The following LDLRAD4 variants were observed in gnomAD, a reference collection of about 807,000 sequenced individuals.
LDLRAD4 encodes low-density lipoprotein receptor class A domain-containing protein 4.
In LDLRAD4, 5 loss-of-function variants were observed where a neutral mutation model predicts 17.0. That is an observed-to-expected ratio of 0.29 (90% CI 0.15 to 0.62). The LOEUF is 0.62. LDLRAD4 is among the 20% of genes least tolerant of loss of function. The probability of loss-of-function intolerance (pLI) is 0.84; values close to 1 mark genes in which losing one functional copy is unlikely to be tolerated. For missense variants in LDLRAD4, 340 were observed against 424.7 expected (o/e 0.80, Z 1.75); for synonymous variants, 168 against 171.8 (o/e 0.98, Z 0.17).
intron 1 of LDLRAD4, among the ~76,000 whole-genome samples, chr18:13,235,831 G>A (rs964025839): frequency 1.6e-4 from 24 of 152,158 alleles, no homozygotes; most frequent in African/African-American, 2.4e-5. Flanking sequence ...CCTTGCCTCC[G>A]TTAGGAATCT....
rs142697479 is a variant in LDLRAD4 at position 13,352,551 on chromosome 18, G to A, written c.-382-34790G>A. ...TTCGGTCTTTTGACAGTTTGAATAT[G>A]TCTTGGTGTGGGTCTCTTTAGTTTT... On this transcript the variant is annotated intron_variant, in intron 1 of 5. Transcript: ENST00000359446. Among the ~76,000 whole-genome samples, 24 of 152,208 alleles carry A rather than the reference G, an allele frequency of 1.6e-4. No homozygotes were observed. The East Asian group carries it at 4.6e-3, about 29-fold the overall frequency.
chr18:13,373,478 A>G (rs2084673298), intron 1 of LDLRAD4, among the ~76,000 whole-genome samples: 1 of 152,228 alleles, frequency 6.6e-6, no homozygotes, highest in Non-Finnish European at 1.5e-5. Flanking sequence ...TGTGCTGACT[A>G]ATGAAATAAT....
intron 3 of LDLRAD4, among the ~76,000 whole-genome samples, chr18:13,476,459 T>TA (rs2092942167): frequency 6.6e-6 from 1 of 151,588 alleles, no homozygotes; most frequent in Non-Finnish European, 1.5e-5. Context: ...ACCCCACCTC[T>TA]AAAAAAAGTT....
intron 1 of LDLRAD4, among the ~76,000 whole-genome samples, chr18:13,363,717 T>G (rs2083858548): frequency 6.6e-6 from 1 of 152,180 alleles, no homozygotes; most frequent in African/African-American, 2.4e-5. Flanking sequence ...GGAGGAGTAA[T>G]GTAATAAAAA....
intron 3 of LDLRAD4, chr18:13,486,725 A>G (rs1283786960): frequency 2.0e-5 from 3 of 152,224 alleles, no homozygotes; most frequent in Admixed American, 2.0e-4. Context: ...TTTTTTATAC[A>G]CTGGAAACAC....
intron 2 of LDLRAD4, among the ~76,000 whole-genome samples, chr18:13,395,706 G>T (rs1426510894): frequency 9.2e-6 from 1 of 108,804 alleles, no homozygotes. Context: ...GGGAGCTGGC[G>T]TGGGGGCGGG....
intron 2 of LDLRAD4, among the ~76,000 whole-genome samples, 190 bp from the exon 4 acceptor site, chr18:13,438,054 G>C (rs553807688): frequency 4.6e-5 from 7 of 152,228 alleles, no homozygotes; most frequent in Non-Finnish European, 1.0e-4. Context: ...ACCATCCTGT[G>C]TGTTTCAGAC....
At chr18:13,256,529 C>T (rs1047214727) in intron 1 of LDLRAD4, among the ~76,000 whole-genome samples, 3 of 152,226 alleles carry the variant, frequency 2.0e-5, no homozygotes, top group African/African-American at 7.2e-5. Flanking sequence ...TTAAAACATT[C>T]TGAGGACTTC....
chr18:13,481,704 C>G (rs2093090184), intron 3 of LDLRAD4, among the ~76,000 whole-genome samples: 1 of 68,370 alleles, frequency 1.5e-5, no homozygotes, highest in Admixed American at 1.5e-4. Context: ...TGCTCTTAGG[C>G]AGGGTCCTGA....
intron 1 of LDLRAD4, among the ~76,000 whole-genome samples, chr18:13,226,180 C>CTTT (rs71174166): frequency 0.03 from 1,540 of 52,096 alleles, 324 homozygotes; most frequent in East Asian, 0.24. Flanking sequence ...CCATGCCTTG[C>CTTT]TTTTTTTTTT....
At chr18:13,521,178 AC>A (rs1200830198) in intron 3 of LDLRAD4, 1 of 152,054 alleles carries the variant, frequency 6.6e-6, no homozygotes, top group Non-Finnish European at 1.5e-5. Context: ...GGAGAGGCTG[AC>A]CCAACCGACT....
chr18:13,385,562 T>C (rs1290744062), intron 1 of LDLRAD4, among the ~76,000 whole-genome samples: 1 of 152,204 alleles, frequency 6.6e-6, no homozygotes, highest in Non-Finnish European at 1.5e-5. Flanking sequence ...TCCCTGCAGT[T>C]TGGTTTTCTC....
At chr18:13,588,016 T>C (rs1273221885) in intron 3 of LDLRAD4, among the ~76,000 whole-genome samples, 2 of 152,234 alleles carry the variant, frequency 1.3e-5, no homozygotes, top group Middle Eastern at 3.2e-3. Flanking sequence ...CCAGAAAGCC[T>C]TTTTGTATGA....
intron 1 of LDLRAD4, among the ~76,000 whole-genome samples, chr18:13,251,333 A>T (rs576486331): frequency 3.3e-4 from 51 of 152,324 alleles, no homozygotes; most frequent in African/African-American, 1.2e-3. Flanking sequence ...AAGAATGCCC[A>T]TTCTCACCAC....
intron 3 of LDLRAD4, among the ~76,000 whole-genome samples, chr18:13,531,370 G>A (rs192871805): frequency 9.0e-4 from 137 of 151,966 alleles, no homozygotes; most frequent in Non-Finnish European, 1.6e-3. Context: ...AGCACTTTGG[G>A]AGGCAAATGC....
At chr18:13,556,640 A>G (rs1294515914) in intron 3 of LDLRAD4, among the ~76,000 whole-genome samples, 1 of 152,200 alleles carries the variant, frequency 6.6e-6, no homozygotes, top group Non-Finnish European at 1.5e-5. Flanking sequence ...TCTTTTGAGG[A>G]TGATGTATTT....
intron 3 of LDLRAD4, among the ~76,000 whole-genome samples, chr18:13,484,478 T>C (rs2146997008): frequency 6.6e-6 from 1 of 151,986 alleles, no homozygotes; most frequent in East Asian, 1.9e-4. Context: ...CTGGGTTCGG[T>C]GGTGTGCCAG....
intron 3 of LDLRAD4, among the ~76,000 whole-genome samples, chr18:13,438,762 GA>G (rs1259082919): frequency 6.6e-6 from 1 of 152,208 alleles, no homozygotes; most frequent in African/African-American, 2.4e-5. Context: ...ACTGAAATAT[GA>G]AAGTAGAAAA....
At chr18:13,428,218 C>T (rs748153224) in intron 2 of LDLRAD4, among the ~76,000 whole-genome samples, 11 of 151,954 alleles carry the variant, frequency 7.2e-5, no homozygotes, top group Admixed American at 2.6e-4. Flanking sequence ...TAGGAGGAGC[C>T]GGGAGTCTGG....
Sources: allele counts gnomAD v4.1 joint callset (sites outside exome capture counted in the v4.1 genomes callset), GRCh38; gene constraint gnomAD v4.1.1; transcripts MANE v1.5; gene names NCBI Gene and HGNC (gene_info 2026-07-23, HGNC 2026-07-21).